The following GMDS variants were observed in gnomAD, a reference collection of about 807,000 sequenced individuals.
GMDS encodes the protein GDP-mannose 4,6 dehydratase.
In GMDS, 20 loss-of-function variants were observed where a neutral mutation model predicts 49.9. The observed-to-expected ratio is 0.40, with a 90% CI of 0.28 to 0.58. The LOEUF (loss-of-function observed/expected upper bound fraction) is 0.58, where lower values mean the gene tolerates loss of function less well. Ranked by LOEUF, GMDS falls within the 20% of genes least tolerant of loss-of-function variation. The probability of loss-of-function intolerance (pLI) is 0.42; values close to 1 mark genes in which losing one functional copy is unlikely to be tolerated. For synonymous variants in GMDS, 177 were observed against 178.6 expected (o/e 0.99, Z 0.07); for missense variants, 362 against 481.4 (o/e 0.75, Z 2.32).
chr6:1,815,383 A>T (rs1770613623), intron 7 of GMDS, among the ~76,000 whole-genome samples: 1 of 152,252 alleles, frequency 6.6e-6, no homozygotes, highest in East Asian at 1.9e-4. Flanking sequence ...TAGTTACAGC[A>T]GAAAATTTCA....
Position 1,904,449 on chromosome 6 carries a change from A to C in GMDS, c.771+25654T>G, listed in dbSNP as rs577910284. On this transcript the variant is annotated intron_variant, in intron 7 of 10. Transcript: ENST00000380815. ...AACACCAACAACTGATAGTCCATTA[A>C]ATGAGAGCAGATTTCCTTTTTGCAG... Among the ~76,000 whole-genome samples the C allele has an allele frequency of 1.2e-4, 19 of 152,340 alleles. No homozygotes were observed. In the South Asian group the frequency reaches 3.7e-3, roughly 30 times the overall value.
At chr6:1,830,812 A>G (rs1419346096) in intron 7 of GMDS, among the ~76,000 whole-genome samples, 3 of 152,246 alleles carry the variant, frequency 2.0e-5, no homozygotes, top group Non-Finnish European at 4.4e-5. Context: ...ACTATACTAT[A>G]AGGCATTTCA....
chr6:2,001,481 C>A (rs999425391), intron 4 of GMDS, among the ~76,000 whole-genome samples: 10 of 152,088 alleles, frequency 6.6e-5, no homozygotes, highest in Non-Finnish European at 8.8e-5. Flanking sequence ...ACAAAGGTTT[C>A]TAATTTTTTT....
intron 7 of GMDS, among the ~76,000 whole-genome samples, chr6:1,916,237 C>G (rs563328771): frequency 6.6e-6 from 1 of 152,140 alleles, no homozygotes; most frequent in Non-Finnish European, 1.5e-5. Context: ...CAAGGTAGCA[C>G]GCCCACAGTG....
intron 4 of GMDS, among the ~76,000 whole-genome samples, chr6:2,044,422 G>A (rs552635792): frequency 1.3e-5 from 2 of 152,232 alleles, no homozygotes; most frequent in East Asian, 3.9e-4. Flanking sequence ...GGACATGGAT[G>A]GAGCTGAAGG....
chr6:1,732,565 C>T (rs1336099163), intron 8 of GMDS, among the ~76,000 whole-genome samples: 1 of 152,154 alleles, frequency 6.6e-6, no homozygotes, highest in Non-Finnish European at 1.5e-5. Context: ...TCAGTAACGA[C>T]ATGTTATTTG....
At chr6:2,051,023 G>C (rs912077168) in intron 4 of GMDS, among the ~76,000 whole-genome samples, 3 of 151,926 alleles carry the variant, frequency 2.0e-5, no homozygotes, top group Non-Finnish European at 4.4e-5. Flanking sequence ...TGAGTTGATG[G>C]GTGTAACAAA....
At chr6:2,215,807 A>G (rs1171115289) in intron 1 of GMDS, among the ~76,000 whole-genome samples, 2 of 152,220 alleles carry the variant, frequency 1.3e-5, no homozygotes, top group Non-Finnish European at 2.9e-5. Context: ...ACAATTAGTG[A>G]AATCTGAACA....
At chr6:2,000,000 ATATATATATTTTT>A (rs1250072881) in intron 4 of GMDS, among the ~76,000 whole-genome samples, 2 of 17,476 alleles carry the variant, frequency 1.1e-4, no homozygotes, top group African/African-American at 1.6e-4. Context: ...TATATATTAT[ATATATATATTTTT>A]TATATATATA....
intron 4 of GMDS, among the ~76,000 whole-genome samples, chr6:1,991,210 G>C (rs538303426): frequency 2.6e-5 from 4 of 152,098 alleles, no homozygotes; most frequent in South Asian, 2.1e-4. Flanking sequence ...CTGCCTCTTA[G>C]TGGGAGAGAT....
At chr6:1,699,003 G>C (rs1765447217) in intron 9 of GMDS, among the ~76,000 whole-genome samples, 2 of 152,038 alleles carry the variant, frequency 1.3e-5, no homozygotes, top group Admixed American at 1.3e-4. Context: ...AAGCTGAATG[G>C]GCAGCTCAGA....
At chr6:1,831,653 CT>C (rs1430514452) in intron 7 of GMDS, among the ~76,000 whole-genome samples, 2 of 152,158 alleles carry the variant, frequency 1.3e-5, no homozygotes, top group Non-Finnish European at 2.9e-5. Context: ...TATTCCTAAC[CT>C]TTTTAGGTTT....
chr6:2,100,778 A>C (rs771322997), intron 4 of GMDS, among the ~76,000 whole-genome samples: 2 of 152,054 alleles, frequency 1.3e-5, no homozygotes, highest in Non-Finnish European at 2.9e-5. Context: ...ATCTGGAATT[A>C]AGATTACTTA....
At chr6:2,224,689 A>T (rs575129983) in intron 1 of GMDS, among the ~76,000 whole-genome samples, 1 of 152,378 alleles carries the variant, frequency 6.6e-6, no homozygotes, top group South Asian at 2.1e-4. Context: ...AAGTACCTTC[A>T]TAAAAACATG....
intron 9 of GMDS, among the ~76,000 whole-genome samples, chr6:1,677,428 CA>C (rs1183510162): frequency 6.6e-6 from 1 of 152,144 alleles, no homozygotes; most frequent in Non-Finnish European, 1.5e-5. Flanking sequence ...CCATTTGACC[CA>C]GCCATCCCAT....
intron 1 of GMDS, among the ~76,000 whole-genome samples, chr6:2,175,026 C>T (rs1468142298): frequency 1.3e-5 from 2 of 152,066 alleles, no homozygotes; most frequent in Non-Finnish European, 2.9e-5. Flanking sequence ...ACAGACCACA[C>T]CAGAGGAACT....
intron 4 of GMDS, among the ~76,000 whole-genome samples, chr6:2,040,616 T>C (rs371871114): frequency 1.3e-5 from 2 of 152,184 alleles, no homozygotes; most frequent in Non-Finnish European, 2.9e-5. Flanking sequence ...TAGAGGACTT[T>C]ATGAAGAGAA....
At chr6:1,670,802 C>T (rs1764397450) in intron 9 of GMDS, among the ~76,000 whole-genome samples, 1 of 152,194 alleles carries the variant, frequency 6.6e-6, no homozygotes, top group Non-Finnish European at 1.5e-5. Context: ...AAGTCATCTG[C>T]AGGTCAAACC....
intron 4 of GMDS, among the ~76,000 whole-genome samples, chr6:2,078,737 T>C (rs1772493289): frequency 6.6e-6 from 1 of 152,102 alleles, no homozygotes; most frequent in South Asian, 2.1e-4. Context: ...ATTCTGTAGT[T>C]TTTGGATAAA....
Sources: allele counts gnomAD v4.1 joint callset (sites outside exome capture counted in the v4.1 genomes callset), GRCh38; gene constraint gnomAD v4.1.1; transcripts MANE v1.5; gene names NCBI Gene and HGNC (gene_info 2026-07-23, HGNC 2026-07-21).